KLHL18: variants seen among roughly 807,000 people sequenced by gnomAD.
KLHL18 encodes kelch-like protein 18.
A neutral mutation model predicts 58.5 loss-of-function variants in KLHL18; 38 were observed. The observed-to-expected ratio is 0.65, with a 90% CI of 0.50 to 0.85. The LOEUF (loss-of-function observed/expected upper bound fraction) is 0.85. Ranked by LOEUF, KLHL18 falls within the 40% of genes least tolerant of loss-of-function variation. The pLI, the probability that KLHL18 is intolerant of heterozygous loss-of-function variation, is 0.00. For synonymous variants in KLHL18, 303 were observed against 301.9 expected (o/e 1.00, Z -0.04); for missense variants, 624 against 778.4 (o/e 0.80, Z 2.36).
At chr3:47,316,473 GTA>G (rs1356564843) in intron 1 of KLHL18, among the ~76,000 whole-genome samples, 4 of 113,910 alleles carry the variant, frequency 3.5e-5, no homozygotes, top group African/African-American at 6.7e-5. Context: ...ATATATATAT[GTA>G]TATATATACA....
chr3:47,288,050 A>G (rs973424961), intron 1 of KLHL18, among the ~76,000 whole-genome samples: 5 of 151,826 alleles, frequency 3.3e-5, no homozygotes, highest in Non-Finnish European at 7.4e-5. Flanking sequence ...GTGAAACCCC[A>G]TCTCTACTAA....
intron 8 of KLHL18, 143 bp from the exon 9 acceptor site, chr3:47,342,576 A>C: frequency 3.1e-6 from 2 of 652,512 alleles, no homozygotes; most frequent in African/African-American, 1.8e-5. Flanking sequence ...GCAGCCAGGG[A>C]GAACTGTCAG....
intron 6 of KLHL18, among the ~76,000 whole-genome samples, chr3:47,335,349 C>T (rs945280176): frequency 6.6e-6 from 1 of 152,154 alleles, no homozygotes; most frequent in African/African-American, 2.4e-5. Context: ...ATACTTTTTA[C>T]TCTTCAGCCC....
At chr3:47,321,593 G>A (rs1576167298) in intron 2 of KLHL18, among the ~76,000 whole-genome samples, 1 of 151,974 alleles carries the variant, frequency 6.6e-6, no homozygotes, top group Non-Finnish European at 1.5e-5. Flanking sequence ...CAGGTGATCC[G>A]CCCGCCTCGG....
chr3:47,333,207 T>A lies in KLHL18; in HGVS notation c.651T>A (p.Gly217=). The A allele has an allele frequency of 1.9e-6, 3 of 1,613,398 alleles. No homozygotes were observed. Among genetic ancestry groups the A allele is most frequent in the Non-Finnish European group, 1.7e-6 (2 of 1,179,878 alleles). The stretch of plus-strand genomic sequence containing the variant: ...TCAGATACGACCGGGAGCAGAGGGG[T>A]CCCTACCTGCCTGAGCTGCTGTCCA... ...AWVRYDREQR[G]PYLPELLSNI... Residue 217 remains glycine (G), a synonymous_variant, in exon 5 of 10, where the codon GGT becomes GGA. Coordinates refer to ENST00000232766, the MANE Select transcript of KLHL18 (RefSeq NM_025010.5).
rs754775581 is a variant in KLHL18, at chr3:47,329,951, G to C, written c.402G>C (p.Arg134=). The change falls in exon 4 of 10, where the codon CGG becomes CGC. Residue 134 remains arginine, a splice_region_variant and synonymous_variant. Transcript: ENST00000232766. ...KDACCTFLRE[R]LHPKNCLGVR... ...TTTTTTTTCTTTCCTTATGCCAAAGGCTTCACCCAAAAAACTGCCTGGGTG... is the reference window on the plus strand; with the variant it reads ...TTTTTTTTCTTTCCTTATGCCAAAGCCTTCACCCAAAAAACTGCCTGGGTG... 5.6e-6 allele frequency: 9 copies of C among 1,613,424 alleles called. No individual in the cohort carries two copies. The highest frequency in any genetic ancestry group is 2.7e-5 in the African/African-American group (2 of 74,802).
intron 1 of KLHL18, among the ~76,000 whole-genome samples, chr3:47,309,463 AG>A (rs1269122748): frequency 6.6e-6 from 1 of 150,864 alleles, no homozygotes; most frequent in Admixed American, 6.6e-5. Context: ...ACGGGGCGGC[AG>A]GGCAGAGGCG....
At position 47,293,505 on chromosome 3, in the gene KLHL18, C is replaced by T. The variant is rs550228485; in HGVS notation, c.129+10411C>T. ...TGTTAAGAGTCAAATTGTATTAGTT[C>T]AGCCCTGTAGCTGCACTTCAAATGG... On this transcript the variant is annotated intron_variant, in intron 1 of 9. Coordinates refer to ENST00000232766, the MANE Select transcript of KLHL18 (RefSeq NM_025010.5). 5.9e-5 allele frequency among the ~76,000 whole-genome samples: 9 copies of T among 152,280 alleles called. No individual in the cohort carries two copies. The South Asian group carries it at 1.9e-3, about 32-fold the overall frequency.
rs554479405 is a variant in KLHL18, at chr3:47,333,845, CAG to C, written c.761+531_761+532del. ...GCAAATCAATGACAACATGGTACAG[CAG>C]AGTTACCCAAACAGTTCAGAAGATG... On this transcript the variant is annotated intron_variant, in intron 5 of 9. Coordinates refer to ENST00000232766, the MANE Select transcript of KLHL18 (RefSeq NM_025010.5). 2.4e-4 allele frequency among the ~76,000 whole-genome samples: 37 copies of C among 152,334 alleles called. No individual in the cohort carries two copies. The East Asian group carries it at 6.0e-3, about 25-fold the overall frequency.
Position 47,343,806 on chromosome 3 carries a change from G to T in KLHL18, c.1590G>T (p.Gly530=). The T allele has an allele frequency of 6.2e-7, 1 of 1,614,210 alleles. No individual in the cohort carries two copies. The highest frequency in any genetic ancestry group is 8.5e-7 in the Non-Finnish European group (1 of 1,180,046). ...VASCGRLYAV[G]GYDGQSNLSS... is the part of the protein sequence containing the mutation. ...GCTGTGGGCGCCTCTACGCTGTTGGGGGCTACGACGGACAGTCAAACCTAA... is the reference window on the plus strand; with the variant it reads ...GCTGTGGGCGCCTCTACGCTGTTGGTGGCTACGACGGACAGTCAAACCTAA... Residue 530 remains glycine (G), a synonymous_variant, in exon 10 of 10, where the codon GGG becomes GGT. Transcript: ENST00000232766.
At chr3:47,341,914 AAAAG>A in intron 8 of KLHL18, among the ~76,000 whole-genome samples, 1 of 151,508 alleles carries the variant, frequency 6.6e-6, no homozygotes, top group Non-Finnish European at 1.5e-5. Flanking sequence ...AAAAAAAAAA[AAAAG>A]GAGAGAGAGA....
intron 2 of KLHL18, among the ~76,000 whole-genome samples, chr3:47,321,010 T>C (rs1576166585): frequency 6.6e-6 from 1 of 152,228 alleles, no homozygotes; most frequent in South Asian, 2.1e-4. Flanking sequence ...TTCTCTGAGG[T>C]GTGTGTCTGA....
intron 8 of KLHL18, 25 bp from the exon 9 acceptor site, chr3:47,342,694 C>G: frequency 1.3e-6 from 2 of 1,593,494 alleles, no homozygotes; most frequent in Non-Finnish European, 8.6e-7. Flanking sequence ...CATGCTTCCC[C>G]TCCTATTTTG....
chr3:47,283,533 C>G (rs905441070), intron 1 of KLHL18: 1 of 167,992 alleles, frequency 6.0e-6, no homozygotes, highest in East Asian at 1.7e-4. Flanking sequence ...GAAGGCTTCT[C>G]CTTAGGAATC....
At chr3:47,316,611 G>A (rs6801806) in intron 1 of KLHL18, among the ~76,000 whole-genome samples, 1 of 142,844 alleles carries the variant, frequency 7.0e-6, no homozygotes, top group African/African-American at 2.7e-5. Flanking sequence ...ATGTATATGT[G>A]TGTATATATA....
At chr3:47,296,065 G>A (rs551940961) in intron 1 of KLHL18, among the ~76,000 whole-genome samples, 1 of 152,150 alleles carries the variant, frequency 6.6e-6, no homozygotes, top group Non-Finnish European at 1.5e-5. Context: ...AATAGCGTCA[G>A]CATCACCTGG....
chr3:47,287,094 C>T (rs1199991190), intron 1 of KLHL18: 1 of 152,248 alleles, frequency 6.6e-6, no homozygotes, highest in African/African-American at 2.4e-5. Flanking sequence ...ATCCGCAATA[C>T]TCAGTATCCT....
intron 1 of KLHL18, among the ~76,000 whole-genome samples, chr3:47,289,833 A>G (rs987387472): frequency 2.6e-5 from 4 of 152,320 alleles, no homozygotes; most frequent in Admixed American, 2.6e-4. Context: ...CTATCATTTT[A>G]CATGTGAATG....
In KLHL18 at chr3:47,327,246, A is replaced by AG. The variant is rs1405927796; in HGVS notation, c.402-2705_402-2704insG. Among the ~76,000 whole-genome samples the AG allele has an allele frequency of 3.9e-5, 6 of 152,328 alleles. No individual in the cohort carries two copies. In the East Asian group the frequency reaches 9.6e-4, roughly 24 times the overall value. Reference sequence around the variant, plus strand: ...ACCAGGAGACTCCGTCTCAAAAAAAACAAAAGGGAAAAAAAAAGGTGTGTT... The same window carrying AG: ...ACCAGGAGACTCCGTCTCAAAAAAAAGCAAAAGGGAAAAAAAAAGGTGTGTT... On this transcript the variant is annotated intron_variant, in intron 3 of 9. Transcript: ENST00000232766.
Sources: allele counts gnomAD v4.1 joint callset (sites outside exome capture counted in the v4.1 genomes callset), GRCh38; gene constraint gnomAD v4.1.1; transcripts MANE v1.5; gene names NCBI Gene and HGNC (gene_info 2026-07-23, HGNC 2026-07-21).